The following MAGI2 variants were observed in gnomAD, a reference collection of about 807,000 sequenced individuals.
The protein encoded by MAGI2 is membrane associated guanylate kinase, WW and PDZ domain containing 2.
MAGI2 carries 35 observed loss-of-function variants against 133.3 expected under a neutral mutation model. That is an observed-to-expected ratio of 0.26 (90% confidence interval 0.20 to 0.35). The LOEUF (loss-of-function observed/expected upper bound fraction) is 0.35, where lower values mean the gene tolerates loss of function less well. MAGI2 is among the 10% of genes least tolerant of loss of function. The pLI is 1.00. For synonymous variants in MAGI2, 729 were observed against 710.6 expected (o/e 1.03, Z -0.41); for missense variants, 1,636 against 1,863.4 (o/e 0.88, Z 2.25).
rs10539344 is a variant in MAGI2, at chr7:79,170,137, C to CTTTTTTTTTTTTTTTTTTTTTTT, written c.302-162954_302-162932dup. On this transcript the variant is annotated intron_variant, in intron 1 of 21. Transcript: ENST00000354212. ...TCAATGGTTACTTTGAGATATTATACTTTTTTTTTTTTTTTTTTTTTTTTT... is the reference window on the plus strand; with the variant it reads ...TCAATGGTTACTTTGAGATATTATACTTTTTTTTTTTTTTTTTTTTTTTTTTTTTTTTTTTTTTTTTTTTTTTT... Among the ~76,000 whole-genome samples, 3 of 42,924 alleles carry CTTTTTTTTTTTTTTTTTTTTTTT rather than the reference C, an allele frequency of 7.0e-5. 1 individual carries two copies. Among genetic ancestry groups the CTTTTTTTTTTTTTTTTTTTTTTT allele is most frequent in the East Asian group, 9.3e-4 (1 of 1,078 alleles). 28.2% of individuals were successfully genotyped at this position (42,924 alleles called of 152,430 possible).
intron 6 of MAGI2, among the ~76,000 whole-genome samples, chr7:78,382,229 C>T (rs540067336): frequency 1.3e-5 from 2 of 151,874 alleles, no homozygotes; most frequent in South Asian, 4.2e-4. Context: ...GAGCCACAAA[C>T]TAAAGAAACT....
chr7:78,813,411 A>G (rs1287665634), intron 2 of MAGI2, among the ~76,000 whole-genome samples: 2 of 152,254 alleles, frequency 1.3e-5, no homozygotes, highest in Admixed American at 1.3e-4. Context: ...TAATGTTACC[A>G]CAACATTAAC....
intron 18 of MAGI2, among the ~76,000 whole-genome samples, chr7:78,128,986 A>C (rs1187142134): frequency 6.6e-6 from 1 of 152,220 alleles, no homozygotes; most frequent in Non-Finnish European, 1.5e-5. Flanking sequence ...GACATTTGTC[A>C]GTGTGTGTTG....
intron 10 of MAGI2, among the ~76,000 whole-genome samples, chr7:78,218,126 A>G (rs1202239990): frequency 6.6e-6 from 1 of 152,218 alleles, no homozygotes; most frequent in Non-Finnish European, 1.5e-5. Flanking sequence ...TTTCAAGAAT[A>G]TTTTATTGCT....
intron 1 of MAGI2, among the ~76,000 whole-genome samples, chr7:79,034,847 C>T (rs1002277794): frequency 1.3e-5 from 2 of 152,080 alleles, no homozygotes; most frequent in Non-Finnish European, 2.9e-5. Flanking sequence ...ATGGCAATAA[C>T]AACTGGCAGC....
intron 16 of MAGI2, among the ~76,000 whole-genome samples, chr7:78,148,588 G>A (rs974328674): frequency 2.0e-5 from 3 of 152,188 alleles, no homozygotes; most frequent in African/African-American, 4.8e-5. Flanking sequence ...TAGGAGACAG[G>A]AGGTGAGCAG....
chr7:78,394,472 C>T (rs1796166058), intron 6 of MAGI2, among the ~76,000 whole-genome samples: 1 of 152,110 alleles, frequency 6.6e-6, no homozygotes, highest in African/African-American at 2.4e-5. Flanking sequence ...TTAGGCTTGC[C>T]TTGCAACCCT....
chr7:78,996,119 C>A (rs977682555), intron 2 of MAGI2, among the ~76,000 whole-genome samples: 1 of 152,132 alleles, frequency 6.6e-6, no homozygotes, highest in African/African-American at 2.4e-5. Flanking sequence ...GACCCACCAA[C>A]CATTCTCCCT....
At chr7:79,208,352 A>G (rs765370732) in intron 1 of MAGI2, among the ~76,000 whole-genome samples, 13 of 151,950 alleles carry the variant, frequency 8.6e-5, no homozygotes, top group Non-Finnish European at 1.5e-4. Flanking sequence ...AAAGAAACAA[A>G]CAAAAAACCA....
intron 21 of MAGI2, among the ~76,000 whole-genome samples, chr7:78,057,977 G>GTGTGTATATATATATATATATATA: frequency 9.4e-6 from 1 of 106,612 alleles, no homozygotes; most frequent in African/African-American, 3.4e-5. Context: ...ATATATATGT[G>GTGTGTATATATATATATATATATA]TATATATATA....
chr7:79,192,977 G>A (rs761179542), intron 1 of MAGI2, among the ~76,000 whole-genome samples: 1 of 151,886 alleles, frequency 6.6e-6, no homozygotes, highest in Non-Finnish European at 1.5e-5. Context: ...AATGAGGGCA[G>A]AGTGGGCAGA....
At position 78,383,491 on chromosome 7, in the gene MAGI2, T is replaced by A. The variant is rs573482208; in HGVS notation, c.1046-14278A>T. ...TTTTCCTGTTTGATTTATTTGTATA[T>A]TCTGGATATTGGTACCATGTTGGAT... On this transcript the variant is annotated intron_variant, in intron 6 of 21. Coordinates refer to ENST00000354212, the MANE Select transcript of MAGI2 (RefSeq NM_012301.4). Among the ~76,000 whole-genome samples, 7 of 152,232 alleles carry A rather than the reference T, an allele frequency of 4.6e-5. No individual in the cohort carries two copies. In the East Asian group the frequency reaches 1.4e-3, roughly 29 times the overall value.
chr7:78,196,933 C>T (rs934166051), intron 11 of MAGI2, among the ~76,000 whole-genome samples: 1 of 152,168 alleles, frequency 6.6e-6, no homozygotes, highest in East Asian at 1.9e-4. Context: ...GTCTGAGGTC[C>T]AGCAGTTGCC....
intron 5 of MAGI2, among the ~76,000 whole-genome samples, chr7:78,492,582 G>T (rs941549042): frequency 6.6e-6 from 1 of 152,074 alleles, no homozygotes; most frequent in South Asian, 2.1e-4. Flanking sequence ...TTTGAAAACC[G>T]AATTAAATGT....
intron 15 of MAGI2, among the ~76,000 whole-genome samples, chr7:78,166,529 C>G (rs1384488250): frequency 6.6e-6 from 1 of 152,188 alleles, no homozygotes; most frequent in Admixed American, 6.5e-5. Flanking sequence ...AGCAAAACCT[C>G]TATAAGATAC....
At chr7:78,758,278 T>C (rs1824159789) in intron 2 of MAGI2, among the ~76,000 whole-genome samples, 1 of 152,198 alleles carries the variant, frequency 6.6e-6, no homozygotes, top group African/African-American at 2.4e-5. Context: ...TTTTTTCTGT[T>C]TTATTATATA....
At chr7:78,311,918 G>A (rs798289) in intron 9 of MAGI2, among the ~76,000 whole-genome samples, 41,853 of 151,582 alleles carry the variant, frequency 0.28, 5,996 homozygotes, top group African/African-American at 0.32. Context: ...TTACAGGTGC[G>A]CGCCACCACG....
At chr7:78,690,244 C>T (rs553450352) in intron 2 of MAGI2, among the ~76,000 whole-genome samples, 5 of 152,216 alleles carry the variant, frequency 3.3e-5, no homozygotes, top group East Asian at 1.9e-4. Flanking sequence ...ACACACTTAG[C>T]GAATGTGCTA....
chr7:78,918,272 C>T (rs1798952856), intron 2 of MAGI2, among the ~76,000 whole-genome samples: 1 of 152,112 alleles, frequency 6.6e-6, no homozygotes, highest in African/African-American at 2.4e-5. Context: ...ATATTCCTTA[C>T]TTGTTTAGTG....
Sources: allele counts gnomAD v4.1 joint callset (sites outside exome capture counted in the v4.1 genomes callset), GRCh38; gene constraint gnomAD v4.1.1; transcripts MANE v1.5; gene names NCBI Gene and HGNC (gene_info 2026-07-23, HGNC 2026-07-21).